Variants in TPD52L1 observed in about 807,000 individuals in gnomAD.
TPD52L1 encodes tumor protein D53.
Under a neutral mutation model 28.7 loss-of-function variants are expected in TPD52L1, and 18 were observed. The observed-to-expected ratio is 0.63, with a 90% CI of 0.43 to 0.93. The LOEUF (loss-of-function observed/expected upper bound fraction) is 0.93, where lower values mean the gene tolerates loss of function less well. Ranked by LOEUF, TPD52L1 falls within the 40% of genes least tolerant of loss-of-function variation. The pLI, the probability that TPD52L1 is intolerant of heterozygous loss-of-function variation, is 0.00. For missense variants in TPD52L1, 203 were observed against 254.8 expected, an observed-to-expected ratio of 0.80 and a Z score of 1.39; for synonymous variants, 75 against 88.8, an observed-to-expected ratio of 0.84 and a Z score of 0.88.
intron 1 of TPD52L1, among the ~76,000 whole-genome samples, chr6:125,170,515 G>C (rs373108803): frequency 6.6e-6 from 1 of 152,090 alleles, no homozygotes; most frequent in South Asian, 2.1e-4. Context: ...CCTAATCTCA[G>C]TGTTACTCTC....
At chr6:125,222,555 G>A (rs1795309065) in intron 2 of TPD52L1, among the ~76,000 whole-genome samples, 1 of 152,164 alleles carries the variant, frequency 6.6e-6, no homozygotes. Flanking sequence ...CCTCCTCTTT[G>A]TTTCCTTCCT....
At chr6:125,194,375 A>T (rs1793275038) in intron 1 of TPD52L1, among the ~76,000 whole-genome samples, 1 of 152,160 alleles carries the variant, frequency 6.6e-6, no homozygotes, top group Non-Finnish European at 1.5e-5. Context: ...TCGCAGCACC[A>T]AGAAAGTAGT....
At chr6:125,196,446 C>CA in intron 1 of TPD52L1, among the ~76,000 whole-genome samples, 1 of 152,162 alleles carries the variant, frequency 6.6e-6, no homozygotes, top group Admixed American at 6.5e-5. Flanking sequence ...CCTGCAAATG[C>CA]AAAAAAGTCT....
intron 1 of TPD52L1, among the ~76,000 whole-genome samples, chr6:125,216,547 ATAT>A (rs2114950489): frequency 7.1e-6 from 1 of 140,620 alleles, no homozygotes; most frequent in East Asian, 2.0e-4. Context: ...ATATATATAT[ATAT>A]ATATATATAT....
At chr6:125,155,598 T>A (rs1790064866) in intron 1 of TPD52L1, among the ~76,000 whole-genome samples, 1 of 152,232 alleles carries the variant, frequency 6.6e-6, no homozygotes, top group African/African-American at 2.4e-5. Flanking sequence ...ATCTGCTTCA[T>A]AAAATTTACA....
intron 6 of TPD52L1, chr6:125,261,146 C>G (rs1040055355): frequency 6.6e-6 from 1 of 152,044 alleles, no homozygotes. Flanking sequence ...TCTGTGAGAG[C>G]AACAATGTGG....
intron 1 of TPD52L1, among the ~76,000 whole-genome samples, chr6:125,157,494 C>A (rs555539307): frequency 2.0e-5 from 3 of 152,130 alleles, no homozygotes; most frequent in Non-Finnish European, 2.9e-5. Flanking sequence ...TGGAGAACAA[C>A]GTGGAGAGAG....
At chr6:125,159,123 A>G (rs1294267441) in intron 1 of TPD52L1, among the ~76,000 whole-genome samples, 1 of 152,202 alleles carries the variant, frequency 6.6e-6, no homozygotes. Context: ...GAAGTTTGTC[A>G]CATAGATTGA....
intron 1 of TPD52L1, among the ~76,000 whole-genome samples, chr6:125,157,060 G>C (rs1790191292): frequency 6.6e-6 from 1 of 152,034 alleles, no homozygotes. Context: ...ATTTTTTCTG[G>C]CTAAATGAAT....
At chr6:125,170,228 G>A (rs1428877199) in intron 1 of TPD52L1, among the ~76,000 whole-genome samples, 1 of 151,850 alleles carries the variant, frequency 6.6e-6, no homozygotes. Context: ...AATAGCAGTA[G>A]CCACAATAAC....
intron 1 of TPD52L1, among the ~76,000 whole-genome samples, chr6:125,167,451 C>T (rs1161143723): frequency 6.6e-6 from 1 of 152,092 alleles, no homozygotes; most frequent in Admixed American, 6.6e-5. Flanking sequence ...TAAGATGTTC[C>T]ACCAGGCTCT....
intron 1 of TPD52L1, among the ~76,000 whole-genome samples, chr6:125,205,538 C>T (rs1794068282): frequency 6.6e-6 from 1 of 152,134 alleles, no homozygotes; most frequent in Non-Finnish European, 1.5e-5. Context: ...AGATTCTTGT[C>T]TCTGGAGGTG....
chr6:125,260,799 C>G (rs935591442), intron 6 of TPD52L1, among the ~76,000 whole-genome samples: 1 of 145,746 alleles, frequency 6.9e-6, no homozygotes, highest in Non-Finnish European at 1.5e-5. Context: ...GAGCAAGACT[C>G]CGTCTCAAAA....
At chr6:125,236,097 C>G (rs1324735109) in intron 3 of TPD52L1, among the ~76,000 whole-genome samples, 3 of 152,156 alleles carry the variant, frequency 2.0e-5, no homozygotes, top group African/African-American at 7.2e-5. Flanking sequence ...CTAGACTTAC[C>G]TGTGTCACTA....
At chr6:125,170,280 T>G (rs1791203475) in intron 1 of TPD52L1, among the ~76,000 whole-genome samples, 1 of 151,998 alleles carries the variant, frequency 6.6e-6, no homozygotes, top group Admixed American at 6.5e-5. Flanking sequence ...CAAAAGGATG[T>G]GACAAGGGGC....
At chr6:125,226,169 C>T (rs1009831483) in intron 2 of TPD52L1, among the ~76,000 whole-genome samples, 9 of 151,964 alleles carry the variant, frequency 5.9e-5, no homozygotes, top group African/African-American at 1.9e-4. Flanking sequence ...ATATTCTGAA[C>T]GTTTTGAAAA....
chr6:125,175,126 G>C (rs1293286243), intron 1 of TPD52L1, among the ~76,000 whole-genome samples: 1 of 151,692 alleles, frequency 6.6e-6, no homozygotes, highest in Admixed American at 6.6e-5. Context: ...TTTTCTCCTA[G>C]CTAGCATTTA....
chr6:125,197,519 A>G (rs1793518894), intron 1 of TPD52L1, among the ~76,000 whole-genome samples: 1 of 152,140 alleles, frequency 6.6e-6, no homozygotes, highest in Non-Finnish European at 1.5e-5. Flanking sequence ...AGATCAAGAG[A>G]CACTCTCCTC....
intron 1 of TPD52L1, among the ~76,000 whole-genome samples, chr6:125,179,233 C>T (rs558934385): frequency 1.3e-5 from 2 of 152,316 alleles, no homozygotes; most frequent in South Asian, 4.1e-4. Flanking sequence ...TTCAAGAGGA[C>T]AAATACTATT....
Sources: gnomAD v4.1 joint callset for allele counts (sites outside exome capture counted in the v4.1 genomes callset) on GRCh38, gnomAD v4.1.1 for gene constraint, MANE v1.5 for transcripts, NCBI Gene and HGNC (gene_info 2026-07-23, HGNC 2026-07-21) for gene names.